Variants in KDR observed in about 807,000 individuals in gnomAD.
KDR encodes vascular endothelial growth factor receptor 2.
Under a neutral mutation model 160.9 loss-of-function variants are expected in KDR, and 43 were observed. The ratio of observed to expected loss-of-function variants is 0.27; its 90% CI spans 0.21 to 0.34. KDR has a LOEUF of 0.34. Ranked by LOEUF, KDR falls within the 10% of genes least tolerant of loss-of-function variation. The pLI, the probability that KDR is intolerant of heterozygous loss-of-function variation, is 1.00. For missense variants in KDR, 1,469 were observed against 1,666.4 expected (o/e 0.88, Z 2.06); for synonymous variants, 617 against 600.1 (o/e 1.03, Z -0.41).
At chr4:55,118,256 T>A (rs1003238086) in intron 3 of KDR, among the ~76,000 whole-genome samples, 8 of 152,190 alleles carry the variant, frequency 5.3e-5, no homozygotes, top group African/African-American at 1.7e-4. Flanking sequence ...CAGAAATTTC[T>A]CCATAATTCA....
chr4:55,096,098 T>C, intron 19 of KDR, 131 bp downstream of exon 19: 1 of 657,646 alleles, frequency 1.5e-6, no homozygotes, highest in Non-Finnish European at 2.7e-6. Flanking sequence ...ATGAAATATA[T>C]TTATTCCTAG....
intron 9 of KDR, among the ~76,000 whole-genome samples, 194 bp downstream of exon 9, chr4:55,110,209 C>G (rs949244730): frequency 2.1e-4 from 32 of 152,182 alleles, no homozygotes; most frequent in African/African-American, 6.8e-4. Context: ...TTTACACGGC[C>G]TCTTAAACAA....
Position 55,098,820 on chromosome 4 carries a change from G to A in KDR, c.2267-17C>T, listed in dbSNP as rs1232081575. 1 of 1,540,900 alleles carries A rather than the reference G, an allele frequency of 6.5e-7. No individual in the cohort carries two copies. The highest frequency in any genetic ancestry group is 1.4e-5 in the African/African-American group (1 of 73,364). On this transcript the variant is annotated splice_polypyrimidine_tract_variant and intron_variant, in intron 15 of 29. Coordinates refer to ENST00000263923, the MANE Select transcript of KDR (RefSeq NM_002253.4). The stretch of plus-strand genomic sequence containing the variant: ...CCTGGGCACCTGGAAAGACACAATT[G>A]AATGAGTATCAACAGTTGGAAACTT...
At chr4:55,082,155 A>G in intron 28 of KDR, 114 bp from the exon 29 acceptor site, 1 of 830,496 alleles carries the variant, frequency 1.2e-6, no homozygotes, top group African/African-American at 1.7e-5. Context: ...GGTCCTGTGG[A>G]AGAACATAAA....
intron 20 of KDR, 139 bp from the exon 21 acceptor site, chr4:55,095,094 T>A (rs1385993405): frequency 1.2e-6 from 1 of 855,092 alleles, no homozygotes; most frequent in Non-Finnish European, 1.8e-6. Flanking sequence ...AATTTCAGGA[T>A]TATGCAATCT....
chr4:55,084,742 C>T (rs1719816707), intron 27 of KDR, among the ~76,000 whole-genome samples: 2 of 152,072 alleles, frequency 1.3e-5, no homozygotes, highest in African/African-American at 4.8e-5. Flanking sequence ...GGAAGAGTAT[C>T]AGGAGGGAAA....
chr4:55,106,951 G>T lies in KDR; in HGVS notation c.1413-141C>A, dbSNP rs1431275012. The T allele has an allele frequency of 6.6e-6, 5 of 758,508 alleles. No individual in the cohort carries two copies. In the East Asian group the frequency reaches 1.3e-4, roughly 20 times the overall value. 47.0% of individuals were successfully genotyped at this position (758,508 alleles called of 1,614,324 possible). On this transcript the variant is annotated intron_variant, in intron 10 of 29. Transcript: ENST00000263923. ...AGCCTACCATGGTACAAGACTTGGC[G>T]CCAATTAAAAATAGGCATTGACAAT... is the stretch of plus-strand genomic sequence containing the variant.
intron 27 of KDR, among the ~76,000 whole-genome samples, chr4:55,085,116 G>A (rs1240678844): frequency 6.6e-6 from 1 of 152,098 alleles, no homozygotes; most frequent in Non-Finnish European, 1.5e-5. Context: ...AAACTCCCAG[G>A]GAAAATGACA....
intron 2 of KDR, 115 bp downstream of exon 2, chr4:55,120,982 C>T: frequency 1.4e-6 from 1 of 713,628 alleles, no homozygotes. Context: ...AACCTCACCA[C>T]TTATGAACAA....
chr4:55,120,793 T>C (rs1578141144), intron 2 of KDR, among the ~76,000 whole-genome samples: 2 of 152,170 alleles, frequency 1.3e-5, no homozygotes, highest in East Asian at 1.9e-4. Context: ...GTATGTCTAC[T>C]ATACGCCAGG....
At chr4:55,105,147 C>A (rs1720413591) in intron 12 of KDR, among the ~76,000 whole-genome samples, 163 bp from the exon 13 acceptor site, 2 of 152,086 alleles carry the variant, frequency 1.3e-5, no homozygotes, top group South Asian at 4.2e-4. Context: ...ATTCAGGTCC[C>A]AAAATATCTT....
At chr4:55,096,898 C>T (rs1009455055) in intron 18 of KDR, among the ~76,000 whole-genome samples, 2 of 152,194 alleles carry the variant, frequency 1.3e-5, no homozygotes, top group South Asian at 2.1e-4. Flanking sequence ...CACTAATTCA[C>T]AGGCATGGTC....
At chr4:55,105,790 G>T in intron 12 of KDR, 42 bp downstream of exon 12, 1 of 1,185,102 alleles carries the variant, frequency 8.4e-7, no homozygotes. Context: ...AGTACCCACT[G>T]TGTGAGTGAT....
chr4:55,115,505 A>C, intron 3 of KDR, 94 bp from the exon 4 acceptor site: 1 of 729,124 alleles, frequency 1.4e-6, no homozygotes, highest in Middle Eastern at 3.4e-4. Context: ...AGACAAGTGA[A>C]TGACTGGAAG....
intron 27 of KDR, among the ~76,000 whole-genome samples, chr4:55,087,238 T>C (rs930945468): frequency 6.6e-6 from 1 of 152,354 alleles, no homozygotes; most frequent in Admixed American, 6.5e-5. Context: ...CCTTTCTGAA[T>C]CTCTCCTAAG....
intron 13 of KDR, among the ~76,000 whole-genome samples, chr4:55,103,324 C>T (rs1458355387): frequency 2.0e-5 from 3 of 152,166 alleles, no homozygotes; most frequent in Non-Finnish European, 4.4e-5. Context: ...AAAAAATCCA[C>T]GTCAACACTT....
intron 2 of KDR, among the ~76,000 whole-genome samples, chr4:55,119,791 T>C (rs922991699): frequency 6.6e-6 from 1 of 152,134 alleles, no homozygotes; most frequent in African/African-American, 2.4e-5. Flanking sequence ...CATTAAAACA[T>C]AGATGGCTTG....
rs775179342 is a variant in KDR, at chr4:55,102,452, C to T, written c.2044G>A (p.Glu682Lys). The change falls in exon 14 of 30, where the codon GAA becomes AAA. Residue 682 changes from glutamate to lysine, a missense_variant. Glu to Lys is a moderately conservative substitution (Grantham distance 56). Coordinates refer to ENST00000263923, the MANE Select transcript of KDR (RefSeq NM_002253.4). ...NLENQTTSIGESIEVSCTASG... is the reference protein window; with the variant it reads ...NLENQTTSIGKSIEVSCTASG... ...GCCGTGCATGAGACTTCGATGCTTT[C>T]CCCAATACTTGTCGTCTGATTCTCC... is the stretch of plus-strand genomic sequence containing the variant. 12 of 1,613,596 alleles carry T rather than the reference C, an allele frequency of 7.4e-6. No individual in the cohort carries two copies. The South Asian group carries it at 7.7e-5, about 10-fold the overall frequency.
At chr4:55,104,564 C>G (rs577289754) in intron 13 of KDR, 79 bp downstream of exon 13, 39 of 1,111,278 alleles carry the variant, frequency 3.5e-5, no homozygotes, top group Non-Finnish European at 4.7e-5. Flanking sequence ...GGACAGTAAT[C>G]TTTGCATAGC....
Sources: gnomAD v4.1 joint callset for allele counts (sites outside exome capture counted in the v4.1 genomes callset) on GRCh38, gnomAD v4.1.1 for gene constraint, MANE v1.5 for transcripts, NCBI Gene and HGNC (gene_info 2026-07-23, HGNC 2026-07-21) for gene names.